Variants in MGAT4C observed in about 807,000 individuals in gnomAD.
The protein encoded by MGAT4C is alpha-1,3-mannosyl-glycoprotein 4-beta-N-acetylglucosaminyltransferase C.
A neutral mutation model predicts 40.1 loss-of-function variants in MGAT4C; 19 were observed. That is an observed-to-expected ratio of 0.47 (90% CI 0.33 to 0.70). MGAT4C has a LOEUF of 0.70. Ranked by LOEUF, MGAT4C falls within the 30% of genes least tolerant of loss-of-function variation. MGAT4C has a pLI of 0.02. For synonymous variants in MGAT4C, 181 were observed against 187.1 expected (o/e 0.97, Z 0.27); for missense variants, 491 against 563.2 (o/e 0.87, Z 1.30).
intron 2 of MGAT4C, among the ~76,000 whole-genome samples, chr12:86,023,096 G>C (rs980734693): frequency 1.4e-4 from 21 of 152,076 alleles, no homozygotes; most frequent in African/African-American, 4.8e-4. Context: ...TAGAGCTCAT[G>C]ATAAACAAAA....
chr12:86,217,278 G>A (rs916315673), intron 1 of MGAT4C, among the ~76,000 whole-genome samples: 7 of 152,096 alleles, frequency 4.6e-5, no homozygotes, highest in Non-Finnish European at 8.8e-5. Context: ...AGGCTCAAGC[G>A]AGTCTCCTGC....
At chr12:86,252,627 T>G (rs1464522138) in intron 1 of MGAT4C, among the ~76,000 whole-genome samples, 1 of 151,926 alleles carries the variant, frequency 6.6e-6, no homozygotes, top group Non-Finnish European at 1.5e-5. Context: ...AAAATTGGCC[T>G]TAAAAAGTAA....
intron 1 of MGAT4C, among the ~76,000 whole-genome samples, chr12:86,757,200 A>G (rs1454799360): frequency 7.8e-6 from 1 of 128,112 alleles, no homozygotes; most frequent in Non-Finnish European, 1.6e-5. Context: ...GGAACATCAC[A>G]CACCGGGGCC....
intron 1 of MGAT4C, among the ~76,000 whole-genome samples, chr12:86,793,581 C>A (rs1048398509): frequency 6.6e-6 from 1 of 151,996 alleles, no homozygotes; most frequent in Non-Finnish European, 1.5e-5. Context: ...GTTACAATTA[C>A]ACACATATAC....
chr12:86,679,010 C>A (rs1450520815), intron 2 of MGAT4C, among the ~76,000 whole-genome samples: 2 of 152,112 alleles, frequency 1.3e-5, no homozygotes, highest in Admixed American at 6.6e-5. Context: ...GCCACACTGA[C>A]TTCCACAATG....
intron 2 of MGAT4C, among the ~76,000 whole-genome samples, chr12:86,716,114 C>T (rs1950641726): frequency 1.3e-5 from 2 of 152,058 alleles, no homozygotes; most frequent in African/African-American, 2.4e-5. Context: ...AATAGTCCCA[C>T]TGGTTTTCCA....
chr12:86,796,118 T>C (rs1475764658), intron 1 of MGAT4C, among the ~76,000 whole-genome samples: 1 of 151,618 alleles, frequency 6.6e-6, no homozygotes, highest in Non-Finnish European at 1.5e-5. Flanking sequence ...GAACTTGACC[T>C]AACCTTTAAG....
intron 1 of MGAT4C, among the ~76,000 whole-genome samples, chr12:86,798,092 A>C (rs1045888212): frequency 1.3e-5 from 2 of 151,890 alleles, no homozygotes; most frequent in Non-Finnish European, 2.9e-5. Flanking sequence ...TTTTCCCTAC[A>C]TACAACCCTT....
intron 2 of MGAT4C, among the ~76,000 whole-genome samples, chr12:86,587,740 C>T (rs1439857431): frequency 2.6e-5 from 4 of 151,270 alleles, no homozygotes; most frequent in East Asian, 3.9e-4. Flanking sequence ...CATGATTTGG[C>T]TCTCTGTTTG....
At chr12:86,607,018 A>G (rs1962067404) in intron 2 of MGAT4C, among the ~76,000 whole-genome samples, 1 of 152,102 alleles carries the variant, frequency 6.6e-6, no homozygotes, top group South Asian at 2.1e-4. Flanking sequence ...TTTGGAAAGT[A>G]TATGATGAAC....
intron 2 of MGAT4C, among the ~76,000 whole-genome samples, chr12:86,014,233 C>G (rs867944112): frequency 6.6e-6 from 1 of 152,112 alleles, no homozygotes; most frequent in Non-Finnish European, 1.5e-5. Context: ...ATTTTGGCAA[C>G]GGCATTACAT....
chr12:86,628,799 A>G (rs1203530225), intron 2 of MGAT4C, among the ~76,000 whole-genome samples: 1 of 152,198 alleles, frequency 6.6e-6, no homozygotes, highest in African/African-American at 2.4e-5. Context: ...AACATGCCAA[A>G]TTGTAAACAC....
chr12:86,189,745 TA>T (rs1348527715), intron 1 of MGAT4C, among the ~76,000 whole-genome samples: 11 of 151,968 alleles, frequency 7.2e-5, no homozygotes, highest in African/African-American at 2.7e-4. Context: ...AAACAAAAAC[TA>T]AAAACCAAAG....
chr12:86,126,564 TA>T (rs1469755006), intron 1 of MGAT4C, among the ~76,000 whole-genome samples: 1 of 152,142 alleles, frequency 6.6e-6, no homozygotes, highest in Non-Finnish European at 1.5e-5. Flanking sequence ...TAAAACTGGA[TA>T]ATACAAGTTT....
chr12:86,521,735 G>A (rs985768316), intron 2 of MGAT4C, among the ~76,000 whole-genome samples: 2 of 152,004 alleles, frequency 1.3e-5, no homozygotes, highest in Non-Finnish European at 2.9e-5. Flanking sequence ...CTATTCATGA[G>A]CATGGAATGT....
intron 2 of MGAT4C, among the ~76,000 whole-genome samples, chr12:86,666,292 C>A (rs1239737202): frequency 1.3e-5 from 2 of 152,146 alleles, no homozygotes; most frequent in Non-Finnish European, 2.9e-5. Flanking sequence ...GCTCTAAGAT[C>A]ACCATTGTCA....
At chr12:86,231,803 A>T (rs1413998544) in intron 1 of MGAT4C, among the ~76,000 whole-genome samples, 4 of 152,178 alleles carry the variant, frequency 2.6e-5, no homozygotes, top group Non-Finnish European at 4.4e-5. Context: ...AATACCAAGT[A>T]ACAGCCTTCT....
chr12:86,759,267 T>G (rs1593179397), intron 1 of MGAT4C, among the ~76,000 whole-genome samples: 1 of 152,122 alleles, frequency 6.6e-6, no homozygotes, highest in Non-Finnish European at 1.5e-5. Context: ...TATACCATGG[T>G]GTTTTTTATC....
In MGAT4C at chr12:86,439,118, C is replaced by T. The variant is rs2405793; in HGVS notation, c.-228-3853G>A. ...ACTGGACTTAAACTACACTCTACAG[C>T]AAATGAACCTAACAGATATTTATAG... On this transcript the variant is annotated intron_variant, in intron 2 of 7. Transcript: ENST00000548651. Among the ~76,000 whole-genome samples, 3,017 of 152,002 alleles carry T rather than the reference C, an allele frequency of 0.02. 212 individuals carry two copies. The East Asian group carries it at 0.24, about 12-fold the overall frequency.
Sources: gnomAD v4.1 joint callset for allele counts (sites outside exome capture counted in the v4.1 genomes callset) on GRCh38, gnomAD v4.1.1 for gene constraint, MANE v1.5 for transcripts, NCBI Gene and HGNC (gene_info 2026-07-23, HGNC 2026-07-21) for gene names.